The following IL1RAPL2 variants were observed in gnomAD, a reference collection of about 807,000 sequenced individuals.
IL1RAPL2 encodes interleukin 1 receptor accessory protein like 2.
Under a neutral mutation model 44.1 loss-of-function variants are expected in IL1RAPL2, and 3 were observed. The observed-to-expected ratio is 0.07, with a 90% CI of 0.03 to 0.18. IL1RAPL2 has a LOEUF of 0.18. IL1RAPL2 is among the 10% of genes least tolerant of loss of function. The pLI is 1.00. For missense variants in IL1RAPL2, 391 were observed against 496.4 expected, an observed-to-expected ratio of 0.79 and a Z score of 2.02; for synonymous variants, 181 against 178.8, an observed-to-expected ratio of 1.01 and a Z score of -0.10.
intron 1 of IL1RAPL2, among the ~76,000 whole-genome samples, chrX:104,591,571 T>C (rs958064514): frequency 1.8e-5 from 2 of 109,868 alleles, no homozygotes; most frequent in Non-Finnish European, 3.8e-5. Flanking sequence ...TATAAGGCAA[T>C]TGTGTTGGTT....
chrX:105,280,780 T>A (rs1431023936), intron 5 of IL1RAPL2, among the ~76,000 whole-genome samples: 2 of 110,774 alleles, frequency 1.8e-5, no homozygotes, highest in Non-Finnish European at 3.8e-5. Context: ...AAACAACAGA[T>A]GCTGGAGAGG....
chrX:104,938,741 T>C, intron 2 of IL1RAPL2, among the ~76,000 whole-genome samples: 1 of 110,015 alleles, frequency 9.1e-6, no homozygotes, highest in South Asian at 3.9e-4. Context: ...AGGCTGGCCG[T>C]GGCGTTTAAT....
chrX:105,032,525 G>T (rs1323696792), intron 2 of IL1RAPL2, among the ~76,000 whole-genome samples: 1 of 111,733 alleles, frequency 8.9e-6, no homozygotes, highest in Non-Finnish European at 1.9e-5. Flanking sequence ...TTTCCATGTA[G>T]TTGAGCAGTT....
chrX:104,732,292 T>C (rs993645052), intron 2 of IL1RAPL2, among the ~76,000 whole-genome samples: 1 of 110,843 alleles, frequency 9.0e-6, no homozygotes, highest in Admixed American at 9.7e-5. Context: ...ATGAATGAAA[T>C]AGAAAACAAA....
At chrX:104,847,015 A>G (rs1199408023) in intron 2 of IL1RAPL2, among the ~76,000 whole-genome samples, 1 of 111,959 alleles carries the variant, frequency 8.9e-6, no homozygotes, top group African/African-American at 3.2e-5. Context: ...GTGTCTGTTC[A>G]TATCCTTTGC....
At chrX:105,546,332 TA>T (rs1358744298) in intron 6 of IL1RAPL2, among the ~76,000 whole-genome samples, 1 of 111,787 alleles carries the variant, frequency 8.9e-6, no homozygotes, top group Non-Finnish European at 1.9e-5. Flanking sequence ...TCTTTCGATC[TA>T]ATATCCCAAG....
chrX:104,702,216 A>T (rs1374486621), intron 2 of IL1RAPL2, among the ~76,000 whole-genome samples: 2 of 111,647 alleles, frequency 1.8e-5, no homozygotes, highest in Non-Finnish European at 3.8e-5. Flanking sequence ...AAGTCACTTC[A>T]TGTATGTTTG....
chrX:105,626,402 G>A (rs1018808513), intron 6 of IL1RAPL2, among the ~76,000 whole-genome samples: 2 of 111,028 alleles, frequency 1.8e-5, no homozygotes, highest in South Asian at 7.6e-4. Flanking sequence ...ATGGTCCCAG[G>A]AGGAACTTGT....
At chrX:105,085,948 T>C (rs1035343272) in intron 2 of IL1RAPL2, among the ~76,000 whole-genome samples, 5 of 111,975 alleles carry the variant, frequency 4.5e-5, no homozygotes, top group Non-Finnish European at 9.4e-5. Context: ...TGGTTCATCA[T>C]AAAGCTTCTC....
intron 1 of IL1RAPL2, among the ~76,000 whole-genome samples, chrX:104,567,364 G>C (rs1364755608): frequency 8.9e-6 from 1 of 112,722 alleles, no homozygotes; most frequent in Non-Finnish European, 1.9e-5. Flanking sequence ...TGGCGCGCGG[G>C]CTCTGCAGCC....
intron 2 of IL1RAPL2, among the ~76,000 whole-genome samples, chrX:104,814,717 C>T (rs144506684): frequency 8.9e-6 from 1 of 112,297 alleles, no homozygotes; most frequent in East Asian, 2.8e-4. Context: ...TTAGATGAAA[C>T]ATCTATTTCT....
At chrX:104,829,772 G>A (rs2147628363) in intron 2 of IL1RAPL2, among the ~76,000 whole-genome samples, 1 of 112,300 alleles carries the variant, frequency 8.9e-6, no homozygotes, top group Admixed American at 9.5e-5. Flanking sequence ...ATGATTAAAA[G>A]TACCTGTTGT....
At chrX:105,669,599 A>C (rs2037799905) in intron 6 of IL1RAPL2, among the ~76,000 whole-genome samples, 1 of 111,641 alleles carries the variant, frequency 9.0e-6, no homozygotes. Context: ...AATAATTCAG[A>C]AAGATCCCAT....
chrX:105,399,585 A>T (rs1310381074), intron 5 of IL1RAPL2, among the ~76,000 whole-genome samples: 3 of 111,290 alleles, frequency 2.7e-5, no homozygotes, highest in Non-Finnish European at 5.7e-5. Flanking sequence ...AAAGTCTGGC[A>T]TATAATAAAA....
At chrX:105,215,708 T>C (rs1556165013) in intron 3 of IL1RAPL2, among the ~76,000 whole-genome samples, 1 of 109,426 alleles carries the variant, frequency 9.1e-6, no homozygotes, top group Non-Finnish European at 1.9e-5. Flanking sequence ...GTGAAAATCC[T>C]CAAGAAAATA....
chrX:105,265,584 C>G (rs1956407015), intron 4 of IL1RAPL2, among the ~76,000 whole-genome samples: 1 of 111,218 alleles, frequency 9.0e-6, no homozygotes, highest in East Asian at 2.8e-4. Context: ...TATCTACATG[C>G]TCTCAATAGT....
chrX:104,674,141 G>T (rs1214037351), intron 2 of IL1RAPL2, among the ~76,000 whole-genome samples: 65 of 111,865 alleles, frequency 5.8e-4, no homozygotes, highest in Admixed American at 4.4e-3. Context: ...CTATGTTGAA[G>T]AGGAGTGTTG....
At chrX:105,194,697 A>T (rs1390174192) in intron 2 of IL1RAPL2, among the ~76,000 whole-genome samples, 1 of 112,140 alleles carries the variant, frequency 8.9e-6, no homozygotes, top group African/African-American at 3.2e-5. Context: ...TATGCTATTA[A>T]TAGGTCATAC....
In IL1RAPL2 at chrX:105,076,434, A is replaced by C. The variant is rs1241954015; in HGVS notation, c.83-119041A>C. Among the ~76,000 whole-genome samples the C allele has an allele frequency of 4.5e-5, 5 of 111,466 alleles. No homozygotes were observed. In the South Asian group the frequency reaches 1.5e-3, roughly 34 times the overall value. On this transcript the variant is annotated intron_variant, in intron 2 of 10. Coordinates refer to ENST00000372582, the MANE Select transcript of IL1RAPL2 (RefSeq NM_017416.2). ...AGTTTGTTATAATTTCTGTTCTTTT[A>C]CATTTGCTGAGGAGTGTTTTACATC...
Sources: allele counts gnomAD v4.1 joint callset (sites outside exome capture counted in the v4.1 genomes callset), GRCh38; gene constraint gnomAD v4.1.1; transcripts MANE v1.5; gene names NCBI Gene and HGNC (gene_info 2026-07-23, HGNC 2026-07-21).